The following SGCG variants were observed in gnomAD, a reference collection of about 807,000 sequenced individuals.
The protein encoded by SGCG is gamma-sarcoglycan.
In SGCG, 26 loss-of-function variants were observed where a neutral mutation model predicts 29.3. The ratio of observed to expected loss-of-function variants is 0.89; its 90% confidence interval spans 0.65 to 1.23. The LOEUF is 1.23. Ranked by LOEUF, SGCG falls within the 50% of genes most tolerant of loss-of-function variation. The probability of loss-of-function intolerance (pLI) is 0.00; values close to 1 mark genes in which losing one functional copy is unlikely to be tolerated. For synonymous variants in SGCG, 145 were observed against 129.7 expected (o/e 1.12, Z -0.80); for missense variants, 353 against 356.0 (o/e 0.99, Z 0.07).
intron 1 of SGCG, among the ~76,000 whole-genome samples, chr13:23,196,759 A>ACTC (rs10659641): frequency 0.61 from 93,177 of 151,512 alleles, 29,186 homozygotes; most frequent in East Asian, 0.74. Flanking sequence ...GCACCTCTCC[A>ACTC]CTCCTCCTTT....
At chr13:23,305,379 C>A (rs192772647) in intron 6 of SGCG, among the ~76,000 whole-genome samples, 74 of 152,292 alleles carry the variant, frequency 4.9e-4, no homozygotes, top group Admixed American at 7.8e-4. Flanking sequence ...AATTTTATAT[C>A]TCACTACCTT....
At chr13:23,218,884 G>C (rs1430300777) in intron 2 of SGCG, among the ~76,000 whole-genome samples, 1 of 148,264 alleles carries the variant, frequency 6.7e-6, no homozygotes, top group East Asian at 2.0e-4. Context: ...TCTATGGTGG[G>C]AAAATTATGA....
the SGCG span, among the ~76,000 whole-genome samples, chr13:23,164,522 T>C: frequency 9.9e-5 from 15 of 152,200 alleles, no homozygotes; most frequent in African/African-American, 3.6e-4. Flanking sequence ...AGGTCATTTA[T>C]AAAGAAAAGA....
At chr13:23,287,042 G>A (rs545711553) in intron 5 of SGCG, among the ~76,000 whole-genome samples, 2 of 152,298 alleles carry the variant, frequency 1.3e-5, no homozygotes, top group East Asian at 1.9e-4. Flanking sequence ...GTGCCACTAG[G>A]GTAGGCAGAA....
chr13:23,238,071 G>C (rs1429639413), intron 3 of SGCG, among the ~76,000 whole-genome samples: 3 of 152,070 alleles, frequency 2.0e-5, no homozygotes, highest in African/African-American at 7.2e-5. Flanking sequence ...TCAAATATTG[G>C]ACAATGGGCA....
At chr13:23,267,834 ATTC>A (rs1216457769) in intron 4 of SGCG, 2 of 152,200 alleles carry the variant, frequency 1.3e-5, no homozygotes, top group African/African-American at 4.8e-5. Context: ...CTGCTTTGAA[ATTC>A]TTCTAAGGAA....
At chr13:23,229,226 C>A (rs1429479195) in intron 2 of SGCG, among the ~76,000 whole-genome samples, 2 of 152,270 alleles carry the variant, frequency 1.3e-5, no homozygotes, top group African/African-American at 4.8e-5. Flanking sequence ...GATTCCATGT[C>A]TTTGCTATTG....
At chr13:23,296,010 G>A (rs1176358655) in intron 6 of SGCG, among the ~76,000 whole-genome samples, 1 of 152,222 alleles carries the variant, frequency 6.6e-6, no homozygotes, top group African/African-American at 2.4e-5. Context: ...CCTCCCCGAG[G>A]AGACCTCATG....
At chr13:23,186,659 C>T (rs1565991438) in intron 1 of SGCG, among the ~76,000 whole-genome samples, 1 of 152,172 alleles carries the variant, frequency 6.6e-6, no homozygotes, top group East Asian at 1.9e-4. Context: ...CCCATCCTCA[C>T]AGGGGATCGG....
chr13:23,185,989 C>T (rs1289335316), intron 1 of SGCG, among the ~76,000 whole-genome samples: 1 of 152,188 alleles, frequency 6.6e-6, no homozygotes, highest in African/African-American at 2.4e-5. Context: ...ATCTCTTTTC[C>T]TGGGGGAACA....
intron 4 of SGCG, 50 bp from the exon 5 acceptor site, chr13:23,279,309 G>T: frequency 6.3e-7 from 1 of 1,580,516 alleles, no homozygotes; most frequent in Non-Finnish European, 8.7e-7. Flanking sequence ...ATAGAGATTT[G>T]GACACTGCTT....
intron 4 of SGCG, among the ~76,000 whole-genome samples, chr13:23,262,278 T>C (rs1353874381): frequency 1.3e-5 from 2 of 151,734 alleles, no homozygotes; most frequent in Non-Finnish European, 3.0e-5. Context: ...CATGGAAGGA[T>C]TCTCATAGAC....
chr13:23,269,747 A>G (rs891347947), intron 4 of SGCG, among the ~76,000 whole-genome samples: 1 of 151,416 alleles, frequency 6.6e-6, no homozygotes, highest in Non-Finnish European at 1.5e-5. Flanking sequence ...TGCCGTGATT[A>G]TTCAGCTATT....
chr13:23,179,620 T>C (rs1290553602), upstream of SGCG, among the ~76,000 whole-genome samples: 2 of 152,208 alleles, frequency 1.3e-5, no homozygotes, highest in Non-Finnish European at 2.9e-5. Flanking sequence ...ATTTTATGTC[T>C]AGCTGAATTC....
At chr13:23,215,465 T>TA (rs1878393000) in intron 2 of SGCG, among the ~76,000 whole-genome samples, 1 of 152,172 alleles carries the variant, frequency 6.6e-6, no homozygotes, top group African/African-American at 2.4e-5. Context: ...TCAGACTGGG[T>TA]AAGGGTCTCG....
rs541302715 is a variant in SGCG at position 23,309,303 on chromosome 13, G to A, written c.579-11334G>A. The stretch of plus-strand genomic sequence containing the variant: ...GGGGTCTTGTTATATTGTCCAGGCT[G>A]GCCTTGAACTCCTGGGCTCAAATGA... On this transcript the variant is annotated intron_variant, in intron 6 of 7. Transcript: ENST00000218867. 5.9e-5 allele frequency among the ~76,000 whole-genome samples: 9 copies of A among 152,176 alleles called. No homozygotes were observed. In the South Asian group the frequency reaches 1.9e-3, roughly 32 times the overall value.
chr13:23,203,260 C>T (rs541173640), intron 1 of SGCG, among the ~76,000 whole-genome samples: 77 of 152,186 alleles, frequency 5.1e-4, no homozygotes, highest in South Asian at 4.4e-3. Context: ...CGCCTGGCTG[C>T]GGATTCCTTT....
At chr13:23,204,531 A>G (rs1413957189) in intron 2 of SGCG, among the ~76,000 whole-genome samples, 1 of 152,204 alleles carries the variant, frequency 6.6e-6, no homozygotes, top group Non-Finnish European at 1.5e-5. Flanking sequence ...CATTGCAGGC[A>G]GGTCAGTCTG....
the SGCG span, among the ~76,000 whole-genome samples, chr13:23,171,414 A>G: frequency 6.6e-6 from 1 of 152,196 alleles, no homozygotes; most frequent in Non-Finnish European, 1.5e-5. Flanking sequence ...GCTGACTTCA[A>G]AGCCTGAGAT....
Sources: allele counts gnomAD v4.1 joint callset (sites outside exome capture counted in the v4.1 genomes callset), GRCh38; gene constraint gnomAD v4.1.1; transcripts MANE v1.5; gene names NCBI Gene and HGNC (gene_info 2026-07-23, HGNC 2026-07-21).